Variants in TRAPPC11 observed in about 807,000 individuals in gnomAD.
TRAPPC11 encodes the protein foie gras homolog.
A neutral mutation model predicts 151.2 loss-of-function variants in TRAPPC11; 104 were observed. The ratio of observed to expected loss-of-function variants is 0.69; its 90% CI spans 0.59 to 0.81. The LOEUF is 0.81. Ranked by LOEUF, TRAPPC11 falls within the 30% of genes least tolerant of loss-of-function variation. The pLI is 0.00. For missense variants in TRAPPC11, 1,230 were observed against 1,349.6 expected (o/e 0.91, Z 1.39); for synonymous variants, 456 against 472.3 (o/e 0.97, Z 0.45).
At chr4:183,673,863 G>A (rs183076899) in intron 5 of TRAPPC11, among the ~76,000 whole-genome samples, 2 of 152,310 alleles carry the variant, frequency 1.3e-5, no homozygotes, top group East Asian at 1.9e-4. Flanking sequence ...AGCTTGAGTT[G>A]TGTATCCATC....
At chr4:183,688,669 C>T (rs1048408200) in intron 18 of TRAPPC11, among the ~76,000 whole-genome samples, 1 of 152,158 alleles carries the variant, frequency 6.6e-6, no homozygotes, top group African/African-American at 2.4e-5. Context: ...ATGTTCTATT[C>T]AACTTCAGAC....
chr4:183,701,866 A>C, intron 26 of TRAPPC11, 58 bp downstream of exon 26: 1 of 1,126,814 alleles, frequency 8.9e-7, no homozygotes, highest in Non-Finnish European at 1.4e-6. Context: ...TCATACCTTT[A>C]TTATTCATCT....
At chr4:183,697,641 GT>G in intron 24 of TRAPPC11, 37 bp from the exon 25 acceptor site, 1 of 1,611,378 alleles carries the variant, frequency 6.2e-7, no homozygotes, top group Non-Finnish European at 8.5e-7. Flanking sequence ...ATGGATTAAG[GT>G]AATTCCTGAC....
At chr4:183,685,780 T>G (rs1371712584) in intron 17 of TRAPPC11, among the ~76,000 whole-genome samples, 1 of 152,052 alleles carries the variant, frequency 6.6e-6, no homozygotes, top group Non-Finnish European at 1.5e-5. Flanking sequence ...TTAAAGATGG[T>G]TTTGAAGCTG....
chr4:183,708,339 G>A (rs966112479), intron 28 of TRAPPC11, 68 bp from the exon 29 acceptor site: 7 of 1,470,026 alleles, frequency 4.8e-6, no homozygotes, highest in Non-Finnish European at 5.6e-6. Context: ...ATAATTGAGG[G>A]TAACAACATA....
At chr4:183,666,509 CGT>C in intron 3 of TRAPPC11, 83 bp downstream of exon 3, 3 of 1,389,776 alleles carry the variant, frequency 2.2e-6, no homozygotes, top group East Asian at 2.3e-5. Context: ...AATGGAGTAC[CGT>C]TCAGACTGCA....
At chr4:183,661,723 AT>A (rs1336147127) in intron 1 of TRAPPC11, among the ~76,000 whole-genome samples, 1 of 142,088 alleles carries the variant, frequency 7.0e-6, no homozygotes, top group Non-Finnish European at 1.5e-5. Flanking sequence ...ATAAGATTAT[AT>A]TTAAAATGTA....
intron 18 of TRAPPC11, among the ~76,000 whole-genome samples, chr4:183,687,015 C>T (rs971879256): frequency 3.3e-5 from 5 of 152,168 alleles, no homozygotes; most frequent in African/African-American, 1.2e-4. Flanking sequence ...CCCGTCTCTA[C>T]TAAAAATACA....
chr4:183,668,213 C>T (rs1263734082), intron 5 of TRAPPC11, 96 bp downstream of exon 5: 35 of 667,488 alleles, frequency 5.2e-5, no homozygotes, highest in Non-Finnish European at 7.4e-5. Context: ...AAATCATGTT[C>T]ATGAAAAACA....
At chr4:183,673,559 A>G (rs10029700) in intron 5 of TRAPPC11, among the ~76,000 whole-genome samples, 74,286 of 151,716 alleles carry the variant, frequency 0.49, 18,741 homozygotes, top group African/African-American at 0.61. Context: ...ATGTAGTTCC[A>G]GCCACTCTGG....
At chr4:183,675,298 A>G in intron 7 of TRAPPC11, 61 bp downstream of exon 7, 2 of 1,026,862 alleles carry the variant, frequency 1.9e-6, no homozygotes, top group Admixed American at 2.9e-5. Context: ...CATGTGATGG[A>G]AATTTCTGAA....
chr4:183,666,445 G>A lies in TRAPPC11; in HGVS notation c.374+19G>A, dbSNP rs921737324. The A allele has an allele frequency of 1.2e-6, 2 of 1,608,464 alleles. No homozygotes were observed. Among genetic ancestry groups the A allele is most frequent in the Non-Finnish European group, 1.7e-6 (2 of 1,176,326 alleles). On this transcript the variant is annotated intron_variant, in intron 3 of 29. Transcript: ENST00000334690. The stretch of plus-strand genomic sequence containing the variant: ...TAGTCAGGTATGATCTTCTGTGTCA[G>A]GGCAGCTATGTCAGTTTGCACATGT...
intron 8 of TRAPPC11, among the ~76,000 whole-genome samples, chr4:183,678,745 A>G (rs1486041493): frequency 6.6e-6 from 1 of 152,258 alleles, no homozygotes; most frequent in East Asian, 1.9e-4. Context: ...GGAATGGATG[A>G]GAGACTGACT....
chr4:183,696,440 G>A (rs1488091978), intron 23 of TRAPPC11, among the ~76,000 whole-genome samples: 2 of 152,060 alleles, frequency 1.3e-5, no homozygotes, highest in Non-Finnish European at 2.9e-5. Flanking sequence ...GTGTTGCCCA[G>A]CTTGGAGTGT....
chr4:183,667,528 A>G (rs926240036), intron 4 of TRAPPC11, among the ~76,000 whole-genome samples: 1 of 152,170 alleles, frequency 6.6e-6, no homozygotes, highest in African/African-American at 2.4e-5. Flanking sequence ...TTTTTTCATT[A>G]ATTTTCTGTA....
intron 4 of TRAPPC11, among the ~76,000 whole-genome samples, chr4:183,667,414 A>G (rs1283026788): frequency 6.6e-6 from 1 of 152,142 alleles, no homozygotes; most frequent in East Asian, 1.9e-4. Flanking sequence ...ATTCGCTTGA[A>G]TTTTTTTACA....
At position 183,693,623 on chromosome 4, in the gene TRAPPC11, C is replaced by G; in HGVS notation, c.2272C>G (p.Leu758Val). ...ISRVPNISVH[L>V]LHEPPALTNE... is the part of the protein sequence containing the mutation. ...CAGAGTCCCAAACATTTCTGTACATCTGCTACATGAACCCCCTGCACTGAC... is the reference window on the plus strand; with the variant it reads ...CAGAGTCCCAAACATTTCTGTACATGTGCTACATGAACCCCCTGCACTGAC... Residue 758 changes from leucine (L) to valine (V), a missense_variant, in exon 21 of 30, where the codon CTG (leucine) becomes GTG (valine). Coordinates refer to ENST00000334690, the MANE Select transcript of TRAPPC11 (RefSeq NM_021942.6). The G allele has an allele frequency of 6.2e-7, 1 of 1,613,840 alleles. No homozygotes were observed. Among genetic ancestry groups the G allele is most frequent in the Non-Finnish European group, 8.5e-7 (1 of 1,179,966 alleles).
rs180679386 is a variant in TRAPPC11 at position 183,703,377 on chromosome 4, T to C, written c.2963+1569T>C. Among the ~76,000 whole-genome samples, 215 of 152,338 alleles carry C rather than the reference T, an allele frequency of 1.4e-3. 2 individuals are homozygous for C. Among genetic ancestry groups the C allele is most frequent in the African/African-American group, 4.8e-3 (201 of 41,580 alleles). On this transcript the variant is annotated intron_variant, in intron 26 of 29. Coordinates refer to ENST00000334690, the MANE Select transcript of TRAPPC11 (RefSeq NM_021942.6). ...TTACTAAGAAGTAAATAAACTTGTC[T>C]TTCTTTTCCCCATTCCTGAATTTAC... is the stretch of plus-strand genomic sequence containing the variant.
Position 183,690,273 on chromosome 4 carries a change from A to G in TRAPPC11, c.1894-1043A>G, listed in dbSNP as rs887044839. 1.3e-5 allele frequency among the ~76,000 whole-genome samples: 2 copies of G among 152,226 alleles called. 1 individual carries two copies. The highest frequency in any genetic ancestry group is 4.8e-5 in the African/African-American group (2 of 41,468). On this transcript the variant is annotated intron_variant, in intron 18 of 29. Transcript: ENST00000334690. ...TTTATAAGCATGGAATAGAAATGAA[A>G]ATTGGCGGGAAAGTATAATACTTGA...
Sources: allele counts gnomAD v4.1 joint callset (sites outside exome capture counted in the v4.1 genomes callset), GRCh38; gene constraint gnomAD v4.1.1; transcripts MANE v1.5; gene names NCBI Gene and HGNC (gene_info 2026-07-23, HGNC 2026-07-21).